The following AKAP13 variants were observed in gnomAD, a reference collection of about 807,000 sequenced individuals.
AKAP13 encodes A-kinase anchoring protein 13.
Under a neutral mutation model 264.5 loss-of-function variants are expected in AKAP13, and 80 were observed. That is an observed-to-expected ratio of 0.30 (90% CI 0.25 to 0.36). The LOEUF is 0.36. Among genes scored for constraint, AKAP13 ranks in the 10% least tolerant of loss-of-function variants. The pLI, the probability that AKAP13 is intolerant of heterozygous loss-of-function variation, is 1.00. For synonymous variants in AKAP13, 1,380 were observed against 1,250.2 expected, an observed-to-expected ratio of 1.10 and a Z score of -2.19; for missense variants, 3,712 against 3,435.2, an observed-to-expected ratio of 1.08 and a Z score of -2.01.
At chr15:85,504,986 G>C (rs1012753529) in intron 2 of AKAP13, among the ~76,000 whole-genome samples, 1 of 151,548 alleles carries the variant, frequency 6.6e-6, no homozygotes, top group Non-Finnish European at 1.5e-5. Flanking sequence ...GTGTGTGTGC[G>C]CACATGTGTT....
intron 1 of AKAP13, among the ~76,000 whole-genome samples, chr15:85,424,474 G>A (rs957846596): frequency 6.6e-6 from 1 of 152,188 alleles, no homozygotes; most frequent in Non-Finnish European, 1.5e-5. Flanking sequence ...TCATAGAACT[G>A]AAGAGATTAT....
At chr15:85,440,881 A>T (rs184101848) in intron 1 of AKAP13, among the ~76,000 whole-genome samples, 5 of 152,226 alleles carry the variant, frequency 3.3e-5, no homozygotes, top group African/African-American at 1.2e-4. Flanking sequence ...TTTTAAAAAA[A>T]TTCTGCAGTG....
chr15:85,495,624 A>G (rs771118203), intron 2 of AKAP13, among the ~76,000 whole-genome samples: 2 of 152,096 alleles, frequency 1.3e-5, no homozygotes, highest in African/African-American at 2.4e-5. Flanking sequence ...TGAGATTTCA[A>G]TTTTTTCCAA....
At chr15:85,466,369 T>G (rs576397275) in intron 1 of AKAP13, among the ~76,000 whole-genome samples, 168 of 152,278 alleles carry the variant, frequency 1.1e-3, no homozygotes, top group Non-Finnish European at 1.7e-3. Context: ...TAGATCCCAT[T>G]TGTCAATTTT....
chr15:85,468,137 G>A (rs1458221714), intron 1 of AKAP13, among the ~76,000 whole-genome samples: 1 of 152,158 alleles, frequency 6.6e-6, no homozygotes. Flanking sequence ...CAGGGTAAAG[G>A]AACTTTTGAG....
chr15:85,654,390 A>G (rs1314567978), intron 10 of AKAP13, among the ~76,000 whole-genome samples: 2 of 152,232 alleles, frequency 1.3e-5, no homozygotes, highest in African/African-American at 4.8e-5. Flanking sequence ...GTTTTCAGTT[A>G]AAGCTTATAA....
At position 85,719,344 on chromosome 15, in the gene AKAP13, C is replaced by G; in HGVS notation, c.6252+18C>G. Reference sequence around the variant, plus strand: ...TAAATCAGGTGAGAATGGGAAGGATCTCAGGTTCTTACATACACTGGGAAA... The same window carrying G: ...TAAATCAGGTGAGAATGGGAAGGATGTCAGGTTCTTACATACACTGGGAAA... On this transcript the variant is annotated intron_variant, in intron 23 of 36. Transcript: ENST00000394518. 6.2e-7 allele frequency: 1 copy of G among 1,613,200 alleles called. No homozygotes were observed. The highest frequency in any genetic ancestry group is 8.5e-7 in the Non-Finnish European group (1 of 1,179,506).
In AKAP13 at chr15:85,567,980, G is replaced by A. The variant is rs576525911; in HGVS notation, c.663-7151G>A. On this transcript the variant is annotated intron_variant, in intron 5 of 36. Transcript: ENST00000394518. ...TGTGTGTGTGTGTGTGTGTGTGTGTGTATTTTTTAAAGCCAGTAGAGACCA... is the reference window on the plus strand; with the variant it reads ...TGTGTGTGTGTGTGTGTGTGTGTGTATATTTTTTAAAGCCAGTAGAGACCA... 6.5e-3 allele frequency among the ~76,000 whole-genome samples: 952 copies of A among 147,064 alleles called. 11 individuals carry two copies. The highest frequency in any genetic ancestry group is 0.022 in the African/African-American group (891 of 40,260).
intron 1 of AKAP13, among the ~76,000 whole-genome samples, chr15:85,446,710 C>CTTTTT (rs67306030): frequency 3.7e-4 from 46 of 124,320 alleles, no homozygotes; most frequent in South Asian, 1.4e-3. Flanking sequence ...TTTTCTTTTT[C>CTTTTT]TTTTTTTTTT....
At chr15:85,721,716 A>G (rs966963801) in intron 23 of AKAP13, among the ~76,000 whole-genome samples, 3 of 152,378 alleles carry the variant, frequency 2.0e-5, no homozygotes, top group Admixed American at 6.5e-5. Context: ...CCGTGTGCAC[A>G]GTACATAAAG....
chr15:85,509,206 G>C (rs1375630441), intron 2 of AKAP13, among the ~76,000 whole-genome samples: 1 of 152,172 alleles, frequency 6.6e-6, no homozygotes, highest in African/African-American at 2.4e-5. Context: ...TCAGGGGTCT[G>C]TAGCTATTAA....
chr15:85,743,870 C>A, intron 36 of AKAP13, 45 bp downstream of exon 36: 1 of 1,554,148 alleles, frequency 6.4e-7, no homozygotes, highest in South Asian at 1.2e-5. Flanking sequence ...AGTGTCTGTG[C>A]ATTCTGAGAG....
chr15:85,432,646 T>C (rs79838862), intron 1 of AKAP13, among the ~76,000 whole-genome samples: 2,150 of 152,308 alleles, frequency 0.014, 60 homozygotes, highest in African/African-American at 0.049. Context: ...TACCACTCAA[T>C]TTTCATTCAC....
intron 19 of AKAP13, among the ~76,000 whole-genome samples, chr15:85,713,574 G>C (rs2086746506): frequency 6.7e-6 from 1 of 149,354 alleles, no homozygotes; most frequent in African/African-American, 2.5e-5. Flanking sequence ...GGGTGGGGGT[G>C]GGGGTGGGGG....
intron 17 of AKAP13, among the ~76,000 whole-genome samples, chr15:85,704,590 G>A (rs1328854917): frequency 1.3e-5 from 2 of 152,164 alleles, no homozygotes; most frequent in Non-Finnish European, 2.9e-5. Context: ...TAGGTACAGA[G>A]GAATCCGATT....
chr15:85,442,526 A>ATGT (rs1555430021), intron 1 of AKAP13, among the ~76,000 whole-genome samples: 1 of 110,076 alleles, frequency 9.1e-6, no homozygotes, highest in Non-Finnish European at 1.8e-5. Context: ...ATATTATATT[A>ATGT]TATATAATAT....
At chr15:85,504,598 A>G (rs1318841472) in intron 2 of AKAP13, among the ~76,000 whole-genome samples, 3 of 146,636 alleles carry the variant, frequency 2.0e-5, no homozygotes, top group South Asian at 4.5e-4. Context: ...AGGCTGAGAC[A>G]GGAGGGTTGC....
intron 3 of AKAP13, among the ~76,000 whole-genome samples, chr15:85,532,009 A>G (rs1057115721): frequency 9.2e-5 from 14 of 152,226 alleles, no homozygotes; most frequent in African/African-American, 3.4e-4. Context: ...ACTCTGAATA[A>G]TGAATTCTGC....
chr15:85,725,391 G>A (rs1283743610), intron 26 of AKAP13, among the ~76,000 whole-genome samples: 1 of 151,794 alleles, frequency 6.6e-6, no homozygotes, highest in Non-Finnish European at 1.5e-5. Flanking sequence ...TGGGGGGAGG[G>A]GGAGGGTGCA....
Sources: gnomAD v4.1 joint callset for allele counts (sites outside exome capture counted in the v4.1 genomes callset) on GRCh38, gnomAD v4.1.1 for gene constraint, MANE v1.5 for transcripts, NCBI Gene and HGNC (gene_info 2026-07-23, HGNC 2026-07-21) for gene names.